Variants in LCLAT1 observed in about 807,000 individuals in gnomAD.
LCLAT1 encodes the protein lysocardiolipin acyltransferase 1, also known as 1-AGP acyltransferase 8.
Under a neutral mutation model 30.7 loss-of-function variants are expected in LCLAT1, and 11 were observed. The observed-to-expected ratio is 0.36, with a 90% CI of 0.23 to 0.59. The LOEUF is 0.59. Ranked by LOEUF, LCLAT1 falls within the 20% of genes least tolerant of loss-of-function variation. The pLI is 0.77. For missense variants in LCLAT1, 402 were observed against 458.6 expected, an observed-to-expected ratio of 0.88 and a Z score of 1.13; for synonymous variants, 155 against 151.3, an observed-to-expected ratio of 1.02 and a Z score of -0.18.
At chr2:30,560,062 G>C (rs2148437815) in intron 3 of LCLAT1, among the ~76,000 whole-genome samples, 1 of 152,236 alleles carries the variant, frequency 6.6e-6, no homozygotes, top group South Asian at 2.1e-4. Context: ...TACACACACT[G>C]CTCTGTGGGC....
At chr2:30,486,776 T>TGAA (rs1683579093) in intron 1 of LCLAT1, among the ~76,000 whole-genome samples, 1 of 152,172 alleles carries the variant, frequency 6.6e-6, no homozygotes, top group Non-Finnish European at 1.5e-5. Flanking sequence ...TACCATGATG[T>TGAA]GAAACCAGGG....
intron 5 of LCLAT1, among the ~76,000 whole-genome samples, chr2:30,626,748 T>C (rs181093529): frequency 4.4e-4 from 67 of 152,192 alleles, no homozygotes; most frequent in East Asian, 1.3e-3. Context: ...TTTTCCTCTT[T>C]AGTAATGAAG....
chr2:30,598,250 G>T (rs1456016319), intron 5 of LCLAT1, among the ~76,000 whole-genome samples: 1 of 151,996 alleles, frequency 6.6e-6, no homozygotes, highest in South Asian at 2.1e-4. Flanking sequence ...GGTAGAATTC[G>T]GCTGTAAATC....
intron 5 of LCLAT1, among the ~76,000 whole-genome samples, chr2:30,588,669 C>G (rs1666549565): frequency 6.6e-6 from 1 of 152,166 alleles, no homozygotes; most frequent in African/African-American, 2.4e-5. Flanking sequence ...GGCACGATCT[C>G]AGCTCACTGC....
intron 5 of LCLAT1, chr2:30,606,823 T>G (rs1301827227): frequency 1.3e-5 from 2 of 152,056 alleles, no homozygotes; most frequent in African/African-American, 4.8e-5. Flanking sequence ...GGGAGAAAAT[T>G]TTTGCAATCT....
At chr2:30,459,549 C>T in intron 1 of LCLAT1, 1 of 1,119,296 alleles carries the variant, frequency 8.9e-7, no homozygotes, top group African/African-American at 1.5e-5. Flanking sequence ...GTCCTGTTCA[C>T]AGGCTGAAAA....
intron 5 of LCLAT1, among the ~76,000 whole-genome samples, chr2:30,611,674 A>G (rs1454492687): frequency 6.6e-6 from 1 of 152,178 alleles, no homozygotes; most frequent in Non-Finnish European, 1.5e-5. Context: ...TAACAGGCCA[A>G]GTCAGGCTGA....
intron 1 of LCLAT1, among the ~76,000 whole-genome samples, chr2:30,464,477 C>A (rs529107017): frequency 6.6e-6 from 1 of 152,018 alleles, no homozygotes; most frequent in Non-Finnish European, 1.5e-5. Flanking sequence ...TTATTATTAC[C>A]CAACTCTATA....
chr2:30,633,851 A>G (rs1320965449), intron 5 of LCLAT1, among the ~76,000 whole-genome samples: 2 of 152,232 alleles, frequency 1.3e-5, no homozygotes, highest in African/African-American at 4.8e-5. Flanking sequence ...AGGCATGAGC[A>G]AACCAGGATT....
At chr2:30,578,385 G>T (rs1190431249) in intron 5 of LCLAT1, among the ~76,000 whole-genome samples, 1 of 152,122 alleles carries the variant, frequency 6.6e-6, no homozygotes, top group African/African-American at 2.4e-5. Flanking sequence ...AAGTATGTGT[G>T]TGCATAGGGC....
At chr2:30,531,411 GT>G (rs1685981258) in intron 2 of LCLAT1, among the ~76,000 whole-genome samples, 1 of 152,166 alleles carries the variant, frequency 6.6e-6, no homozygotes, top group South Asian at 2.1e-4. Flanking sequence ...TAGTTGAGCG[GT>G]TATGGACCCT....
chr2:30,472,128 A>C (rs1682828638), intron 1 of LCLAT1, among the ~76,000 whole-genome samples: 1 of 152,226 alleles, frequency 6.6e-6, no homozygotes, highest in Non-Finnish European at 1.5e-5. Context: ...TATGGGACAT[A>C]GTCTCAAAAT....
intron 5 of LCLAT1, among the ~76,000 whole-genome samples, chr2:30,614,601 A>G (rs1230669322): frequency 1.3e-5 from 2 of 152,210 alleles, no homozygotes; most frequent in Non-Finnish European, 2.9e-5. Context: ...GGAAAGGCCA[A>G]AAAGCAGTTC....
chr2:30,518,183 A>G (rs1212369276), intron 1 of LCLAT1, among the ~76,000 whole-genome samples: 1 of 152,266 alleles, frequency 6.6e-6, no homozygotes, highest in Non-Finnish European at 1.5e-5. Flanking sequence ...TTAGAAAAAG[A>G]TGATTTAACA....
intron 5 of LCLAT1, among the ~76,000 whole-genome samples, chr2:30,632,893 A>G (rs1668836773): frequency 6.6e-6 from 1 of 152,244 alleles, no homozygotes; most frequent in Non-Finnish European, 1.5e-5. Flanking sequence ...TAATGTTCCT[A>G]GTAGGAAACA....
intron 1 of LCLAT1, among the ~76,000 whole-genome samples, chr2:30,478,688 TAGG>T (rs1683167142): frequency 6.9e-6 from 1 of 143,932 alleles, no homozygotes; most frequent in Non-Finnish European, 1.5e-5. Context: ...AATAGATAGA[TAGG>T]TAGGTAGGTA....
intron 2 of LCLAT1, among the ~76,000 whole-genome samples, chr2:30,526,975 A>G (rs1424788042): frequency 2.0e-5 from 3 of 152,124 alleles, no homozygotes; most frequent in Admixed American, 2.0e-4. Context: ...TAAACATACC[A>G]TTTGCCATAA....
chr2:30,582,578 C>T (rs1380027032), intron 5 of LCLAT1, among the ~76,000 whole-genome samples: 2 of 152,206 alleles, frequency 1.3e-5, no homozygotes, highest in Admixed American at 6.5e-5. Context: ...AGCAACTTTT[C>T]TAATAGTTTG....
intron 5 of LCLAT1, among the ~76,000 whole-genome samples, chr2:30,576,745 A>G (rs1666007167): frequency 6.6e-6 from 1 of 151,990 alleles, no homozygotes; most frequent in Non-Finnish European, 1.5e-5. Flanking sequence ...ACATGTGTCC[A>G]TTTCATTATT....
Sources: allele counts gnomAD v4.1 joint callset (sites outside exome capture counted in the v4.1 genomes callset), GRCh38; gene constraint gnomAD v4.1.1; transcripts MANE v1.5; gene names NCBI Gene and HGNC (gene_info 2026-07-23, HGNC 2026-07-21).